The following GSTCD variants were observed in gnomAD, a reference collection of about 807,000 sequenced individuals.
GSTCD encodes the protein glutathione S-transferase C-terminal domain containing, also known as glutathione S-transferase C-terminal domain-containing protein.
In GSTCD, 44 loss-of-function variants were observed where a neutral mutation model predicts 68.3. The ratio of observed to expected loss-of-function variants is 0.64; its 90% confidence interval spans 0.51 to 0.83. The LOEUF is 0.83. GSTCD is among the 40% of genes least tolerant of loss of function. The pLI is 0.00. For missense variants in GSTCD, 739 were observed against 735.9 expected (o/e 1.00, Z -0.05); for synonymous variants, 273 against 255.2 (o/e 1.07, Z -0.67).
At chr4:105,798,514 C>T (rs751197551) in intron 5 of GSTCD, among the ~76,000 whole-genome samples, 1 of 151,998 alleles carries the variant, frequency 6.6e-6, no homozygotes, top group Non-Finnish European at 1.5e-5. Context: ...AGTAATAAGA[C>T]CTGAAAGTCA....
At chr4:105,821,371 CTT>C (rs888029228) in intron 5 of GSTCD, among the ~76,000 whole-genome samples, 102 of 151,922 alleles carry the variant, frequency 6.7e-4, no homozygotes, top group African/African-American at 2.2e-3. Flanking sequence ...ACAAAAATCT[CTT>C]AGGAGTGGTT....
chr4:105,766,887 C>CTTTT, intron 5 of GSTCD, among the ~76,000 whole-genome samples: 4,417 of 56,928 alleles, frequency 0.078, 508 homozygotes, highest in Non-Finnish European at 0.1. Context: ...GTTTTTGACT[C>CTTTT]TTTTTTTTTT....
At position 105,732,097 on chromosome 4, in the gene GSTCD, G is replaced by A. The variant is rs186806320; in HGVS notation, c.1240+2598G>A. Reference sequence around the variant, plus strand: ...ATGTGCTGCTGGATTCGGGTTGCCAGTATTTTATTGAGGATTTTTGCATCA... The same window carrying A: ...ATGTGCTGCTGGATTCGGGTTGCCAATATTTTATTGAGGATTTTTGCATCA... On this transcript the variant is annotated intron_variant, in intron 5 of 11. Transcript: ENST00000515279. Among the ~76,000 whole-genome samples the A allele has an allele frequency of 2.0e-5, 3 of 152,318 alleles. No individual in the cohort carries two copies. The East Asian group carries it at 5.8e-4, about 29-fold the overall frequency.
Position 105,815,447 on chromosome 4 carries a change from A to G in GSTCD, c.1241-7507A>G, listed in dbSNP as rs183814002. The G allele has an allele frequency of 3.9e-5, 6 of 152,310 alleles. No individual in the cohort carries two copies. In the South Asian group the frequency reaches 1.0e-3, roughly 26 times the overall value. 9.4% of individuals were successfully genotyped at this position (152,310 alleles called of 1,614,324 possible). A position where few individuals can be genotyped will look rare whatever the true frequency, so the allele number is the denominator to read the frequency against. Reference sequence around the variant, plus strand: ...TAATATAGTATTAATATTGCCAAGAATTTAGGGCCGTGTCACTTTAGATAT... The same window carrying G: ...TAATATAGTATTAATATTGCCAAGAGTTTAGGGCCGTGTCACTTTAGATAT... On this transcript the variant is annotated intron_variant, in intron 5 of 11. Transcript: ENST00000515279.
intron 8 of GSTCD, 50 bp from the exon 9 acceptor site, chr4:105,834,411 A>G: frequency 6.3e-7 from 1 of 1,584,424 alleles, no homozygotes; most frequent in Non-Finnish European, 8.6e-7. Context: ...TAAAAATTGC[A>G]CTGTGAGTTA....
At position 105,726,978 on chromosome 4, in the gene GSTCD, C is replaced by T. The variant is rs545334621; in HGVS notation, c.1146+148C>T. ...CACTCTTTACCAGTTAATATTTCTG[C>T]TACTCTTTTCATTTATGTGAAGTAT... On this transcript the variant is annotated intron_variant, in intron 4 of 11. Transcript: ENST00000515279. 3.6e-5 allele frequency: 23 copies of T among 636,862 alleles called. No individual in the cohort carries two copies. The South Asian group carries it at 5.9e-4, about 16-fold the overall frequency. The allele number at this position is 636,862 out of a possible 1,614,324, so 39.5% of individuals were successfully genotyped here.
At chr4:105,757,366 C>T (rs994171912) in intron 5 of GSTCD, among the ~76,000 whole-genome samples, 1 of 152,116 alleles carries the variant, frequency 6.6e-6, no homozygotes, top group African/African-American at 2.4e-5. Context: ...TTAACATTTT[C>T]CTACCTTATT....
chr4:105,830,951 CA>C (rs1723868760), intron 8 of GSTCD, among the ~76,000 whole-genome samples: 1 of 152,184 alleles, frequency 6.6e-6, no homozygotes, highest in African/African-American at 2.4e-5. Flanking sequence ...CTAATATTTA[CA>C]AATCAAGAGA....
chr4:105,765,064 A>ACTGTATAACACATG (rs1389576258), intron 5 of GSTCD, among the ~76,000 whole-genome samples: 5 of 152,178 alleles, frequency 3.3e-5, no homozygotes, highest in African/African-American at 1.2e-4. Flanking sequence ...TCACACATGC[A>ACTGTATAACACATG]CATGTACTGT....
At chr4:105,747,169 A>G (rs1038473229) in intron 5 of GSTCD, among the ~76,000 whole-genome samples, 17 of 152,264 alleles carry the variant, frequency 1.1e-4, no homozygotes, top group African/African-American at 3.9e-4. Context: ...AAGGGATGCT[A>G]AAAGTTCACC....
rs868555703 is a variant in GSTCD at position 105,834,549 on chromosome 4, G to A, written c.1619G>A (p.Cys540Tyr). The change falls in exon 9 of 12, where the codon TGT (cysteine) becomes TAT (tyrosine). Residue 540 changes from cysteine to tyrosine, a missense_variant. Coordinates refer to ENST00000515279, the MANE Select transcript of GSTCD (RefSeq NM_001370181.1). ...GCTTCCTTCGTCACATGCCCTTGCT[G>A]TTATGGTTTCATTCAGAACACCTCA... ...TRASFVTCPC[C>Y]YGFIQNTSKF... is the part of the protein sequence containing the mutation. 11 of 1,614,102 alleles carry A rather than the reference G, an allele frequency of 6.8e-6. No homozygotes were observed. Among genetic ancestry groups the A allele is most frequent in the Admixed American group, 1.7e-5 (1 of 60,016 alleles).
rs200750280 is a variant in GSTCD at position 105,836,382 on chromosome 4, G to A, written c.1665-1477G>A. Among the ~76,000 whole-genome samples the A allele has an allele frequency of 1.1e-4, 17 of 152,288 alleles. No homozygotes were observed. The East Asian group carries it at 1.2e-3, about 10-fold the overall frequency. Reference sequence around the variant, plus strand: ...ACTCTAAGTTCTCACTTTGGTCCACGGAGCTGGCAGCCTGGACCCCAAGCT... The same window carrying A: ...ACTCTAAGTTCTCACTTTGGTCCACAGAGCTGGCAGCCTGGACCCCAAGCT... On this transcript the variant is annotated intron_variant, in intron 9 of 11. Coordinates refer to ENST00000515279, the MANE Select transcript of GSTCD (RefSeq NM_001370181.1).
chr4:105,719,724 GTT>G (rs1732802900), intron 3 of GSTCD, among the ~76,000 whole-genome samples, 197 bp downstream of exon 3: 1 of 152,298 alleles, frequency 6.6e-6, no homozygotes, highest in African/African-American at 2.4e-5. Context: ...ACAAATTAAA[GTT>G]TGTGTGAAGT....
chr4:105,776,043 C>T (rs1271113245), intron 5 of GSTCD, among the ~76,000 whole-genome samples: 8 of 152,220 alleles, frequency 5.3e-5, no homozygotes, highest in Non-Finnish European at 1.2e-4. Context: ...ATGCCCTGTC[C>T]AGAGAGGAGG....
chr4:105,806,422 A>G (rs1454954692), intron 5 of GSTCD, among the ~76,000 whole-genome samples: 1 of 152,078 alleles, frequency 6.6e-6, no homozygotes, highest in Non-Finnish European at 1.5e-5. Context: ...ATTCCAATAA[A>G]TGGTTTATAT....
Position 105,822,807 on chromosome 4 carries a change from T to C in GSTCD, c.1241-147T>C, listed in dbSNP as rs182477798. The C allele has an allele frequency of 2.6e-3, 1,399 of 533,096 alleles. 4 individuals are homozygous for C. Among genetic ancestry groups the C allele is most frequent in the Non-Finnish European group, 3.7e-3 (1,098 of 299,250 alleles). The allele number at this position is 533,096 out of a possible 1,614,324, so 33.0% of individuals were successfully genotyped here. A position where few individuals can be genotyped will look rare whatever the true frequency, so the allele number is the denominator to read the frequency against. ...TCCTCATAGTCTGTTACATGGAATT[T>C]ATCATTTATTATTTTATATGTATGT... On this transcript the variant is annotated intron_variant, in intron 5 of 11. Transcript: ENST00000515279.
At chr4:105,743,361 A>T (rs944973014) in intron 5 of GSTCD, among the ~76,000 whole-genome samples, 4 of 151,902 alleles carry the variant, frequency 2.6e-5, no homozygotes, top group African/African-American at 9.7e-5. Flanking sequence ...CGAATGTAGG[A>T]CTCCTAGAGC....
intron 5 of GSTCD, among the ~76,000 whole-genome samples, chr4:105,762,209 T>C (rs1199234094): frequency 1.3e-5 from 2 of 152,220 alleles, no homozygotes; most frequent in African/African-American, 4.8e-5. Flanking sequence ...GCACCCTAAC[T>C]GAAGGAGGCA....
In GSTCD at chr4:105,768,948, A is replaced by C. The variant is rs1578455836; in HGVS notation, c.1240+39449A>C. Among the ~76,000 whole-genome samples the C allele has an allele frequency of 8.5e-5, 13 of 152,118 alleles. No individual in the cohort carries two copies. The South Asian group carries it at 2.7e-3, about 32-fold the overall frequency. Reference sequence around the variant, plus strand: ...AGAGATATAAGCTATTCAACAAGTGACATAAGCTATTCACTATTTTATAGA... The same window carrying C: ...AGAGATATAAGCTATTCAACAAGTGCCATAAGCTATTCACTATTTTATAGA... On this transcript the variant is annotated intron_variant, in intron 5 of 11. Transcript: ENST00000515279.
Sources: gnomAD v4.1 joint callset for allele counts (sites outside exome capture counted in the v4.1 genomes callset) on GRCh38, gnomAD v4.1.1 for gene constraint, MANE v1.5 for transcripts, NCBI Gene and HGNC (gene_info 2026-07-23, HGNC 2026-07-21) for gene names.